The following MAEL variants were observed in gnomAD, a reference collection of about 807,000 sequenced individuals.
MAEL encodes the protein maelstrom spermatogenic transposon silencer.
In MAEL, 46 loss-of-function variants were observed where a neutral mutation model predicts 62.0. The observed-to-expected ratio is 0.74, with a 90% CI of 0.59 to 0.95. The LOEUF is 0.95. MAEL is among the 40% of genes least tolerant of loss of function. The probability of loss-of-function intolerance (pLI) is 0.00; values close to 1 mark genes in which losing one functional copy is unlikely to be tolerated. For synonymous variants in MAEL, 172 were observed against 175.5 expected (o/e 0.98, Z 0.16); for missense variants, 497 against 526.8 (o/e 0.94, Z 0.55).
chr1:166,976,464 A>C (rs1217109632), intron 1 of MAEL, among the ~76,000 whole-genome samples: 1 of 152,216 alleles, frequency 6.6e-6, no homozygotes, highest in African/African-American at 2.4e-5. Context: ...TTCCTAGTAA[A>C]ACGGGGCAAG....
chr1:166,995,981 T>G (rs951875099), intron 5 of MAEL, among the ~76,000 whole-genome samples: 15 of 152,384 alleles, frequency 9.8e-5, no homozygotes, highest in Middle Eastern at 3.4e-3. Context: ...TCTTAATTTA[T>G]TATTCAACCT....
rs1571239631 is a variant in MAEL at position 166,989,293 on chromosome 1, G to A, written c.-60G>A. 5.8e-6 allele frequency: 9 copies of A among 1,559,620 alleles called. No homozygotes were observed. In the Admixed American group the frequency reaches 1.7e-4, roughly 30 times the overall value. The stretch of plus-strand genomic sequence containing the variant: ...CCTACCTCTGTTACTTAGGGCGGGA[G>A]CCCGGCGAGGGCGCCGGTGCTTTGT... On this transcript the variant is annotated 5_prime_UTR_variant, in exon 1 of 12. Transcript: ENST00000367872.
At chr1:167,001,113 C>T (rs1424777109) in intron 5 of MAEL, among the ~76,000 whole-genome samples, 1 of 152,172 alleles carries the variant, frequency 6.6e-6, no homozygotes, top group Non-Finnish European at 1.5e-5. Flanking sequence ...GCATTCGCAG[C>T]AACCTGGATG....
At chr1:166,980,433 A>G (rs1663726111) in intron 1 of MAEL, among the ~76,000 whole-genome samples, 1 of 152,176 alleles carries the variant, frequency 6.6e-6, no homozygotes, top group Non-Finnish European at 1.5e-5. Flanking sequence ...TCCAGTCTCT[A>G]GGACATCCCT....
chr1:166,978,188 GA>G (rs994405719), intron 1 of MAEL, among the ~76,000 whole-genome samples: 9 of 152,158 alleles, frequency 5.9e-5, no homozygotes, highest in Admixed American at 5.9e-4. Context: ...CATCATCCCA[GA>G]AATGTGTTTT....
chr1:167,016,908 C>T (rs1344017116), intron 9 of MAEL, among the ~76,000 whole-genome samples: 1 of 151,980 alleles, frequency 6.6e-6, no homozygotes, highest in Non-Finnish European at 1.5e-5. Context: ...CATGTGCTCA[C>T]TTATTTGTGG....
chr1:167,009,242 A>G (rs1455249126), intron 8 of MAEL, among the ~76,000 whole-genome samples: 1 of 152,188 alleles, frequency 6.6e-6, no homozygotes, highest in Non-Finnish European at 1.5e-5. Context: ...ACCTTGATAC[A>G]GTAAATTGAT....
At chr1:167,013,147 G>A (rs1665239666) in intron 8 of MAEL, among the ~76,000 whole-genome samples, 1 of 152,170 alleles carries the variant, frequency 6.6e-6, no homozygotes, top group Admixed American at 6.6e-5. Flanking sequence ...GGAGATAGCA[G>A]GCAAGCAACT....
intron 5 of MAEL, among the ~76,000 whole-genome samples, chr1:167,001,640 C>A (rs372637846): frequency 1.3e-5 from 2 of 152,158 alleles, no homozygotes; most frequent in East Asian, 3.8e-4. Flanking sequence ...TCAATACTTG[C>A]TTTAGTGTGG....
rs545506546 is a variant in MAEL at position 167,011,919 on chromosome 1, A to G, written c.846-4303A>G. 3.2e-4 allele frequency among the ~76,000 whole-genome samples: 49 copies of G among 152,308 alleles called. No individual in the cohort carries two copies. In the South Asian group the frequency reaches 4.1e-3, roughly 13 times the overall value. On this transcript the variant is annotated intron_variant, in intron 8 of 11. Transcript: ENST00000367872. Reference sequence around the variant, plus strand: ...AGCAGAGTAGCTATACTCTACAACAAGACTAGAGTAGCTCTAGTTTGAGAC... The same window carrying G: ...AGCAGAGTAGCTATACTCTACAACAGGACTAGAGTAGCTCTAGTTTGAGAC...
chr1:167,005,484 C>A, intron 8 of MAEL, 87 bp downstream of exon 8: 1 of 1,111,604 alleles, frequency 9.0e-7, no homozygotes, highest in Non-Finnish European at 1.3e-6. Flanking sequence ...CCTTTTTATG[C>A]AATATTTTCC....
chr1:166,984,001 C>CA (rs5778528), intron 1 of MAEL, among the ~76,000 whole-genome samples: 3,324 of 117,662 alleles, frequency 0.028, 112 homozygotes, highest in African/African-American at 0.077. Flanking sequence ...GATCCTGTCT[C>CA]AAAAAAAAAA....
chr1:166,994,216 T>G (rs1389074941), intron 5 of MAEL, 147 bp downstream of exon 5: 1 of 676,946 alleles, frequency 1.5e-6, no homozygotes, highest in Non-Finnish European at 2.4e-6. Context: ...ATAGATGGTG[T>G]CTGTGATCTT....
chr1:167,017,094 A>G (rs1257686600), intron 9 of MAEL, among the ~76,000 whole-genome samples: 1 of 152,200 alleles, frequency 6.6e-6, no homozygotes, highest in Non-Finnish European at 1.5e-5. Context: ...GACTATAGTC[A>G]ATAATAATTT....
chr1:166,999,196 G>A (rs981286573), intron 5 of MAEL, among the ~76,000 whole-genome samples: 1 of 152,220 alleles, frequency 6.6e-6, no homozygotes, highest in East Asian at 1.9e-4. Flanking sequence ...AGTGAGGAAT[G>A]CATATCAAAA....
intron 3 of MAEL, among the ~76,000 whole-genome samples, chr1:166,992,388 T>A (rs1664216178): frequency 6.6e-6 from 1 of 152,198 alleles, no homozygotes; most frequent in Non-Finnish European, 1.5e-5. Context: ...TCTGTGTCAT[T>A]CCTGAGATTC....
chr1:166,975,658 G>A (rs1393423926), exon 1 of MAEL: 1 of 152,056 alleles, frequency 6.6e-6, no homozygotes, highest in Non-Finnish European at 1.5e-5. Flanking sequence ...GGCCCCCGGC[G>A]GCCCAAAGGT....
At chr1:166,989,524 T>TGGGCAAGCCGGAGGGTGAGGCGGGA in intron 1 of MAEL, 40 bp downstream of exon 1, 1 of 1,568,676 alleles carries the variant, frequency 6.4e-7, no homozygotes, top group South Asian at 1.2e-5. Context: ...GCAGGGCAGT[T>TGGGCAAGCCGGAGGGTGAGGCGGGA]GGGCAAGCCG....
intron 5 of MAEL, among the ~76,000 whole-genome samples, chr1:166,996,974 G>A (rs1232264993): frequency 6.6e-6 from 1 of 152,134 alleles, no homozygotes; most frequent in African/African-American, 2.4e-5. Context: ...TTACAGGTGT[G>A]CATCACCATG....
Sources: gnomAD v4.1 joint callset for allele counts (sites outside exome capture counted in the v4.1 genomes callset) on GRCh38, gnomAD v4.1.1 for gene constraint, MANE v1.5 for transcripts, NCBI Gene and HGNC (gene_info 2026-07-23, HGNC 2026-07-21) for gene names.